The following MAP3K7 variants were observed in gnomAD, a reference collection of about 807,000 sequenced individuals.
MAP3K7 encodes the protein TGF-beta activated kinase 1.
Under a neutral mutation model 84.8 loss-of-function variants are expected in MAP3K7, and 21 were observed. That is an observed-to-expected ratio of 0.25 (90% CI 0.18 to 0.36). The LOEUF (loss-of-function observed/expected upper bound fraction) is 0.36. Among genes scored for constraint, MAP3K7 ranks in the 10% least tolerant of loss-of-function variants. MAP3K7 has a pLI of 1.00. For synonymous variants in MAP3K7, 241 were observed against 247.7 expected (o/e 0.97, Z 0.25); for missense variants, 503 against 747.7 (o/e 0.67, Z 3.82).
chr6:90,532,114 A>G (rs1562083374), intron 13 of MAP3K7, among the ~76,000 whole-genome samples: 2 of 152,224 alleles, frequency 1.3e-5, no homozygotes, highest in Non-Finnish European at 2.9e-5. Context: ...GGAAAAAAGT[A>G]GTATAATAAA....
chr6:90,544,640 AAC>A lies in MAP3K7; in HGVS notation c.1211-10_1211-9del, dbSNP rs548190259. The A allele has an allele frequency of 2.2e-4, 362 of 1,610,920 alleles. No homozygotes were observed. In the African/African-American group the frequency reaches 4.4e-3, roughly 19 times the overall value. ...GTTTAGGCTTGGAATAGGCTGCAAA[AAC>A]ACATATATACAGTATACATGCAAAC... On this transcript the variant is annotated splice_polypyrimidine_tract_variant and intron_variant, in intron 11 of 16. Coordinates refer to ENST00000369329, the MANE Select transcript of MAP3K7 (RefSeq NM_145331.3).
At chr6:90,580,019 A>G (rs1777217445) in intron 1 of MAP3K7, among the ~76,000 whole-genome samples, 2 of 152,368 alleles carry the variant, frequency 1.3e-5, no homozygotes, top group East Asian at 1.9e-4. Context: ...TAAAAAATAT[A>G]TCACATATTT....
chr6:90,527,859 A>G (rs9359890), intron 13 of MAP3K7, among the ~76,000 whole-genome samples: 3 of 68,882 alleles, frequency 4.4e-5, no homozygotes, highest in South Asian at 4.6e-4. Flanking sequence ...AATGGGTTTC[A>G]TAAGGACTTT....
chr6:90,555,821 C>T (rs1438985032), intron 6 of MAP3K7, among the ~76,000 whole-genome samples: 2 of 152,122 alleles, frequency 1.3e-5, no homozygotes, highest in Non-Finnish European at 2.9e-5. Flanking sequence ...CTTAAAGACA[C>T]CTTATTCATA....
At chr6:90,547,833 T>C (rs940356635) in intron 10 of MAP3K7, among the ~76,000 whole-genome samples, 2 of 152,162 alleles carry the variant, frequency 1.3e-5, no homozygotes, top group African/African-American at 2.4e-5. Flanking sequence ...GGATTTAGAA[T>C]TGGCAAAGGT....
At chr6:90,556,378 C>A in intron 6 of MAP3K7, 122 bp downstream of exon 6, 4 of 1,006,106 alleles carry the variant, frequency 4.0e-6, no homozygotes, top group Non-Finnish European at 5.7e-6. Flanking sequence ...CCTTAGATTT[C>A]ATTGTATACT....
intron 1 of MAP3K7, 88 bp downstream of exon 1, chr6:90,586,675 GC>G (rs1238850396): frequency 4.0e-6 from 6 of 1,495,338 alleles, no homozygotes; most frequent in Non-Finnish European, 5.3e-6. Flanking sequence ...AATTAGAGGG[GC>G]CCCGGGAGGC....
intron 1 of MAP3K7, among the ~76,000 whole-genome samples, chr6:90,583,007 C>G (rs1021370912): frequency 1.3e-5 from 2 of 151,506 alleles, no homozygotes; most frequent in African/African-American, 4.9e-5. Flanking sequence ...CTCAGCCACT[C>G]AAGTAGCTGG....
Position 90,568,566 on chromosome 6 carries a change from AG to A in MAP3K7, c.288del (p.Leu97Ter). ...AAAAGTAACAAACTTACTGGATTCA[AG>A]CAGGCTCCATAAAGCTTTACAATAT... ...HPNIVKLYGACLNPVCLVMEY... is the reference protein window; with the variant it reads ...HPNIVKLYGAXLNPVCLVMEY... On this transcript the variant is annotated frameshift_variant, in exon 3 of 17. Coordinates refer to ENST00000369329, the MANE Select transcript of MAP3K7 (RefSeq NM_145331.3). LOFTEE classifies it high-confidence loss of function. The A allele has an allele frequency of 6.2e-7, 1 of 1,607,922 alleles. No homozygotes were observed. Among genetic ancestry groups the A allele is most frequent in the Non-Finnish European group, 8.5e-7 (1 of 1,178,478 alleles).
At chr6:90,572,350 C>T (rs537635417) in intron 1 of MAP3K7, among the ~76,000 whole-genome samples, 4 of 151,658 alleles carry the variant, frequency 2.6e-5, no homozygotes, top group South Asian at 2.1e-4. Context: ...AATTTTATTC[C>T]GCAAGAAAAA....
chr6:90,519,418 AT>A, intron 14 of MAP3K7, 99 bp from the exon 15 acceptor site: 1 of 722,714 alleles, frequency 1.4e-6, no homozygotes, highest in Non-Finnish European at 2.3e-6. Context: ...CCTAAAGTAA[AT>A]AATATGTAAA....
Position 90,552,087 on chromosome 6 carries a change from T to C in MAP3K7, c.829A>G (p.Met277Val), listed in dbSNP as rs756248428. Residue 277 changes from methionine to valine, a missense_variant, in exon 8 of 17, where the codon ATG becomes GTG. Transcript: ENST00000369329. The part of the protein sequence containing the change: ...WSKDPSQRPS[M>V]EEIVKIMTHL... Reference sequence around the variant, plus strand: ...GTCATTATTTTCACAATTTCCTCCATTGAAGGGCGCTGGGAAGGATCTTTA... The same window carrying C: ...GTCATTATTTTCACAATTTCCTCCACTGAAGGGCGCTGGGAAGGATCTTTA... 8.7e-6 allele frequency: 14 copies of C among 1,612,254 alleles called. No individual in the cohort carries two copies. Among genetic ancestry groups the C allele is most frequent in the African/African-American group, 8.0e-5 (6 of 74,898 alleles).
chr6:90,571,681 T>C lies in MAP3K7; in HGVS notation c.231+16A>G, dbSNP rs1776908822. The C allele has an allele frequency of 6.8e-7, 1 of 1,466,206 alleles. No homozygotes were observed. The highest frequency in any genetic ancestry group is 9.3e-7 in the Non-Finnish European group (1 of 1,069,986). The allele number at this position is 1,466,206 out of a possible 1,614,324, so 90.8% of individuals were successfully genotyped here. A position where few individuals can be genotyped will look rare whatever the true frequency, so the allele number is the denominator to read the frequency against. On this transcript the variant is annotated intron_variant, in intron 2 of 16. Coordinates refer to ENST00000369329, the MANE Select transcript of MAP3K7 (RefSeq NM_145331.3). Reference sequence around the variant, plus strand: ...TAAGTGCAGAACTACACAAAAGAAATGAAATCTCAACTTACCTCTACAATA... The same window carrying C: ...TAAGTGCAGAACTACACAAAAGAAACGAAATCTCAACTTACCTCTACAATA...
chr6:90,552,077 A>G lies in MAP3K7; in HGVS notation c.839T>C (p.Ile280Thr), dbSNP rs752889791. The G allele has an allele frequency of 1.2e-6, 2 of 1,611,454 alleles. No individual in the cohort carries two copies. The highest frequency in any genetic ancestry group is 3.3e-5 in the Admixed American group (2 of 59,990). Reference sequence around the variant, plus strand: ...CATCAAGTGAGTCATTATTTTCACAATTTCCTCCATTGAAGGGCGCTGGGA... The same window carrying G: ...CATCAAGTGAGTCATTATTTTCACAGTTTCCTCCATTGAAGGGCGCTGGGA... ...DPSQRPSMEE[I>T]VKIMTHLMRY... Residue 280 changes from isoleucine to threonine, a missense_variant, in exon 8 of 17, where the codon ATT (isoleucine) becomes ACT (threonine). By Grantham distance (89) the Ile-to-Thr change is moderately conservative. Around this residue, in one of 5 missense-constraint regions of MAP3K7, gnomAD observed 286 missense variants for 313.6 expected, o/e 0.91. Coordinates refer to ENST00000369329, the MANE Select transcript of MAP3K7 (RefSeq NM_145331.3).
intron 1 of MAP3K7, among the ~76,000 whole-genome samples, chr6:90,582,878 A>AT (rs1777321747): frequency 7.0e-6 from 1 of 142,146 alleles, no homozygotes; most frequent in African/African-American, 2.6e-5. Flanking sequence ...TTCTTCTATC[A>AT]TCTTTTTTTT....
At position 90,547,242 on chromosome 6, in the gene MAP3K7, T is replaced by C. The variant is rs753671285; in HGVS notation, c.1210+16A>G. On this transcript the variant is annotated intron_variant, in intron 11 of 16. Transcript: ENST00000369329. ...TATATACATTTTCACTCTTCAGACT[T>C]GTAGTTCCTTTTTACCTGTGGTTGC... 1.2e-5 allele frequency: 19 copies of C among 1,613,002 alleles called. No individual in the cohort carries two copies. In the East Asian group the frequency reaches 3.8e-4, roughly 32 times the overall value.
chr6:90,559,229 G>C (rs2127978043), intron 5 of MAP3K7, among the ~76,000 whole-genome samples: 1 of 152,286 alleles, frequency 6.6e-6, no homozygotes, highest in South Asian at 2.1e-4. Flanking sequence ...AACCTATGTA[G>C]AGTATATCAG....
At chr6:90,576,936 T>A (rs1451763819) in intron 1 of MAP3K7, among the ~76,000 whole-genome samples, 3 of 152,166 alleles carry the variant, frequency 2.0e-5, no homozygotes, top group African/African-American at 7.2e-5. Context: ...GAGTTTGAAT[T>A]TCAGTCTAAG....
At chr6:90,564,092 C>T (rs565022156) in intron 3 of MAP3K7, among the ~76,000 whole-genome samples, 87 of 152,264 alleles carry the variant, frequency 5.7e-4, no homozygotes, top group African/African-American at 8.2e-4. Flanking sequence ...AAGGAACAAC[C>T]GGTACCAGCC....
Sources: gnomAD v4.1 joint callset for allele counts (sites outside exome capture counted in the v4.1 genomes callset) on GRCh38, gnomAD v4.1.1 for gene constraint, gnomAD v4.1.1 regional missense constraint, MANE v1.5 for transcripts, NCBI Gene and HGNC (gene_info 2026-07-23, HGNC 2026-07-21) for gene names.